Variants in PCDHAC1 observed in about 807,000 individuals in gnomAD.
PCDHAC1 encodes protocadherin alpha-C1.
PCDHAC1 carries 42 observed loss-of-function variants against 60.0 expected under a neutral mutation model. The observed-to-expected ratio is 0.70, with a 90% confidence interval of 0.55 to 0.90. PCDHAC1 has a LOEUF of 0.90. PCDHAC1 is among the 40% of genes least tolerant of loss of function. PCDHAC1 has a pLI of 0.00. For missense variants in PCDHAC1, 1,160 were observed against 1,222.3 expected (o/e 0.95, Z 0.76); for synonymous variants, 468 against 499.3 (o/e 0.94, Z 0.84).
intron 1 of PCDHAC1, among the ~76,000 whole-genome samples, chr5:140,961,697 T>A (rs1326642906): frequency 6.6e-6 from 1 of 152,232 alleles, no homozygotes; most frequent in Non-Finnish European, 1.5e-5. Flanking sequence ...GTCCTTAGTA[T>A]GAATGCCTTC....
chr5:140,946,886 C>G (rs1304455156), intron 1 of PCDHAC1, among the ~76,000 whole-genome samples: 1 of 151,128 alleles, frequency 6.6e-6, no homozygotes, highest in African/African-American at 2.4e-5. Context: ...TACGAAGTTA[C>G]AATTAGATAG....
chr5:140,967,332 C>T (rs1269679357), intron 1 of PCDHAC1: 2 of 1,607,906 alleles, frequency 1.2e-6, no homozygotes, highest in Non-Finnish European at 1.7e-6. Context: ...GAGCTCAGCC[C>T]CAGCGAGCAC....
At chr5:140,973,946 G>A (rs566831681) in intron 1 of PCDHAC1, among the ~76,000 whole-genome samples, 45 of 152,304 alleles carry the variant, frequency 3.0e-4, no homozygotes, top group Non-Finnish European at 1.5e-4. Flanking sequence ...GAATATGATG[G>A]CATTTTACAG....
chr5:140,989,215 C>T (rs1162430361), intron 3 of PCDHAC1, among the ~76,000 whole-genome samples: 1 of 152,108 alleles, frequency 6.6e-6, no homozygotes, highest in Non-Finnish European at 1.5e-5. Flanking sequence ...CTTTATACAC[C>T]ATTCTTTGTA....
At chr5:140,960,922 G>C (rs562658138) in intron 1 of PCDHAC1, among the ~76,000 whole-genome samples, 1 of 152,272 alleles carries the variant, frequency 6.6e-6, no homozygotes, top group East Asian at 1.9e-4. Flanking sequence ...ATAGAAAATT[G>C]GTACTAAGTT....
intron 1 of PCDHAC1, among the ~76,000 whole-genome samples, chr5:140,977,003 T>G (rs1382476176): frequency 6.6e-6 from 1 of 152,248 alleles, no homozygotes; most frequent in Non-Finnish European, 1.5e-5. Flanking sequence ...AGAAATCTTG[T>G]AACTGTGATT....
intron 3 of PCDHAC1, among the ~76,000 whole-genome samples, chr5:140,989,753 A>G (rs1349273749): frequency 6.6e-6 from 1 of 152,224 alleles, no homozygotes; most frequent in Admixed American, 6.5e-5. Context: ...ATCTGGAGAA[A>G]CATATTCAGT....
intron 3 of PCDHAC1, among the ~76,000 whole-genome samples, chr5:140,991,686 A>G (rs2097465682): frequency 6.6e-6 from 1 of 152,196 alleles, no homozygotes; most frequent in Non-Finnish European, 1.5e-5. Context: ...AGTCCTCTCT[A>G]GTAGAGCCAT....
intron 3 of PCDHAC1, among the ~76,000 whole-genome samples, chr5:141,008,523 C>A (rs2098380908): frequency 6.6e-6 from 1 of 152,182 alleles, no homozygotes; most frequent in Admixed American, 6.5e-5. Context: ...CAATCAGACT[C>A]TTGGGAATGT....
intron 1 of PCDHAC1, among the ~76,000 whole-genome samples, chr5:140,952,645 G>A (rs1396823510): frequency 6.6e-6 from 1 of 152,082 alleles, no homozygotes; most frequent in Non-Finnish European, 1.5e-5. Context: ...ACCTGTGCCT[G>A]GTTACCCAGT....
At chr5:140,989,565 G>A (rs782538666) in intron 3 of PCDHAC1, among the ~76,000 whole-genome samples, 12 of 152,134 alleles carry the variant, frequency 7.9e-5, no homozygotes, top group South Asian at 4.1e-4. Context: ...TTGTGGCTCC[G>A]GCAAGCCCTG....
At chr5:140,967,643 A>G in intron 1 of PCDHAC1, 1 of 1,614,164 alleles carries the variant, frequency 6.2e-7, no homozygotes, top group East Asian at 2.2e-5. Flanking sequence ...TGGTGAGCTC[A>G]GGTACTCCTT....
chr5:140,927,653 G>A lies in PCDHAC1; in HGVS notation c.761G>A (p.Arg254Gln). ...GCACCCAATGGGACTGTGTTATTCC[G>A]AGTTCAAGCCTTGGATCCAGATGAA... The part of the protein sequence containing the change: ...ETAPNGTVLF[R>Q]VQALDPDEGS... Residue 254 changes from arginine (R) to glutamine (Q), a missense_variant, in exon 1 of 4, where the codon CGA (arginine) becomes CAA (glutamine). Arg to Gln is a conservative substitution (Grantham distance 43). Coordinates refer to ENST00000253807, the MANE Select transcript of PCDHAC1 (RefSeq NM_018898.5). The A allele has an allele frequency of 6.2e-7, 1 of 1,614,190 alleles. No individual in the cohort carries two copies. The highest frequency in any genetic ancestry group is 8.5e-7 in the Non-Finnish European group (1 of 1,180,036).
chr5:140,994,658 T>C (rs2097643677), intron 3 of PCDHAC1, among the ~76,000 whole-genome samples: 1 of 152,024 alleles, frequency 6.6e-6, no homozygotes, highest in African/African-American at 2.4e-5. Flanking sequence ...TGAGCTGAGA[T>C]CACACTACTG....
chr5:141,005,133 T>C (rs559773723), intron 3 of PCDHAC1, among the ~76,000 whole-genome samples: 3 of 152,328 alleles, frequency 2.0e-5, no homozygotes, highest in Admixed American at 6.5e-5. Context: ...AAGTGCCTCA[T>C]TGGAGAGTTG....
chr5:140,938,124 A>G (rs2091929948), intron 1 of PCDHAC1, among the ~76,000 whole-genome samples: 1 of 152,076 alleles, frequency 6.6e-6, no homozygotes, highest in South Asian at 2.1e-4. Flanking sequence ...TTTTTTTAAA[A>G]AAATAGAGAT....
chr5:140,967,495 C>G, intron 1 of PCDHAC1: 1 of 1,613,306 alleles, frequency 6.2e-7, no homozygotes. Flanking sequence ...CGGCACAGAT[C>G]TCTGTGCGTG....
intron 1 of PCDHAC1, among the ~76,000 whole-genome samples, chr5:140,932,168 A>G (rs1279324749): frequency 1.3e-5 from 2 of 151,944 alleles, no homozygotes; most frequent in African/African-American, 4.8e-5. Flanking sequence ...ACAATTAGAC[A>G]ATGTGTACCT....
Position 140,926,391 on chromosome 5 carries a change from A to T in PCDHAC1, c.-502A>T, listed in dbSNP as rs76822698. On this transcript the variant is annotated 5_prime_UTR_variant, in exon 1 of 4. Coordinates refer to ENST00000253807, the MANE Select transcript of PCDHAC1 (RefSeq NM_018898.5). ...AGGAAGAGCCCAGCTGGGCTCAGCCACAGTTATCAGCAATCTGCGGGCAGA... is the reference window on the plus strand; with the variant it reads ...AGGAAGAGCCCAGCTGGGCTCAGCCTCAGTTATCAGCAATCTGCGGGCAGA... 1,228 of 152,462 alleles carry T rather than the reference A, an allele frequency of 8.1e-3. 5 individuals carry two copies. The highest frequency in any genetic ancestry group is 0.019 in the African/African-American group (792 of 41,554). The allele number at this position is 152,462 out of a possible 1,614,324, so 9.4% of individuals were successfully genotyped here.
Sources: allele counts gnomAD v4.1 joint callset (sites outside exome capture counted in the v4.1 genomes callset), GRCh38; gene constraint gnomAD v4.1.1; transcripts MANE v1.5; gene names NCBI Gene and HGNC (gene_info 2026-07-23, HGNC 2026-07-21).